POLR2C: variants seen among roughly 807,000 people sequenced by gnomAD.
POLR2C encodes the protein DNA-directed RNA polymerase II subunit RPB3.
Under a neutral mutation model 41.7 loss-of-function variants are expected in POLR2C, and 36 were observed. That is an observed-to-expected ratio of 0.86 (90% CI 0.66 to 1.14). The LOEUF is 1.14. Among genes scored for constraint, POLR2C ranks in the 50% most tolerant of loss-of-function variants. POLR2C has a pLI of 0.00. For missense variants in POLR2C, 260 were observed against 350.4 expected (o/e 0.74, Z 2.06); for synonymous variants, 133 against 137.8 (o/e 0.96, Z 0.25).
chr16:57,463,136 C>A, intron 2 of POLR2C, 58 bp downstream of exon 2: 2 of 1,341,036 alleles, frequency 1.5e-6, no homozygotes, highest in Admixed American at 1.7e-5. Flanking sequence ...GCTCTCCACC[C>A]ACACACTCTT....
chr16:57,463,281 C>G (rs2030625666), intron 2 of POLR2C: 1 of 624,592 alleles, frequency 1.6e-6, no homozygotes, highest in African/African-American at 1.8e-5. Flanking sequence ...CTTAGGTCCA[C>G]CCTTGTCCTG....
chr16:57,467,796 C>G (rs964257340), intron 4 of POLR2C, among the ~76,000 whole-genome samples: 2 of 152,094 alleles, frequency 1.3e-5, no homozygotes, highest in Non-Finnish European at 2.9e-5. Flanking sequence ...TATCAATATT[C>G]AGATTTTCCT....
intron 1 of POLR2C, 46 bp from the exon 2 acceptor site, chr16:57,462,983 G>A: frequency 1.3e-6 from 2 of 1,568,616 alleles, no homozygotes; most frequent in Non-Finnish European, 1.8e-6. Flanking sequence ...GGCCCAGCCT[G>A]TCGAGGCTGC....
Position 57,471,750 on chromosome 16 carries a change from T to TGGGGGTGGGGGG in POLR2C, c.*642_*643insGGGGGGTGGGGG, listed in dbSNP as rs2030853413. 2.3e-4 allele frequency: 2 copies of TGGGGGTGGGGGG among 8,598 alleles called. No homozygotes were observed. The highest frequency in any genetic ancestry group is 1.2e-3 in the Admixed American group (1 of 862). 0.5% of individuals were successfully genotyped at this position (8,598 alleles called of 1,614,324 possible). On this transcript the variant is annotated 3_prime_UTR_variant, in exon 9 of 9. Transcript: ENST00000219252. ...TCATTTAGTTTGGTGGGGGTGGGGG[T>TGGGGGTGGGGGG]GGGGGTGGGGGTGGAAGCAGCCGCA...
chr16:57,465,783 G>T (rs577275133), intron 2 of POLR2C, 170 bp from the exon 3 acceptor site: 3 of 617,392 alleles, frequency 4.9e-6, no homozygotes, highest in South Asian at 3.8e-5. Flanking sequence ...GGTGTGGTGT[G>T]TGTGGGTCTT....
rs1388105670 is a variant in POLR2C at position 57,469,253 on chromosome 16, C to T, written c.347C>T (p.Thr116Met). The T allele has an allele frequency of 1.9e-6, 3 of 1,614,096 alleles. No individual in the cohort carries two copies. The highest frequency in any genetic ancestry group is 1.7e-5 in the Admixed American group (1 of 60,018). Residue 116 changes from threonine (T) to methionine (M), a missense_variant, in exon 5 of 9, where the codon ACG (threonine) becomes ATG (methionine). Thr to Met is a moderately conservative substitution (Grantham distance 81). Transcript: ENST00000219252. The surrounding 1 kb of genome is among the most constrained non-coding windows in gnomAD (Gnocchi z 5.8). ...AATGAAGACCAGACGCGACATGTCACGTCTCGAGACCTCATCTCCAACAGC... is the reference window on the plus strand; with the variant it reads ...AATGAAGACCAGACGCGACATGTCATGTCTCGAGACCTCATCTCCAACAGC... ...RCNEDQTRHV[T>M]SRDLISNSPR... is the part of the protein sequence containing the mutation.
chr16:57,470,864 G>A (rs2030817523), intron 8 of POLR2C, 111 bp from the exon 9 acceptor site: 3 of 1,065,362 alleles, frequency 2.8e-6, no homozygotes, highest in South Asian at 2.9e-5. Context: ...CCAAGGTCAA[G>A]TTCCATGTGG....
intron 4 of POLR2C, among the ~76,000 whole-genome samples, chr16:57,467,426 G>A (rs180834864): frequency 2.6e-5 from 4 of 152,214 alleles, no homozygotes; most frequent in Admixed American, 2.6e-4. Context: ...GCAATTTGGC[G>A]ATATCTTACA....
At chr16:57,463,141 A>C in intron 2 of POLR2C, 63 bp downstream of exon 2, 1 of 1,271,582 alleles carries the variant, frequency 7.9e-7, no homozygotes, top group Non-Finnish European at 1.1e-6. Context: ...CCACCCACAC[A>C]CTCTTTGGGG....
chr16:57,465,029 A>T (rs2030669067), intron 2 of POLR2C, among the ~76,000 whole-genome samples: 1 of 152,146 alleles, frequency 6.6e-6, no homozygotes, highest in African/African-American at 2.4e-5. Flanking sequence ...GGAATGTCAC[A>T]TCTGTAGCAT....
intron 2 of POLR2C, 93 bp from the exon 3 acceptor site, chr16:57,465,860 T>C: frequency 2.4e-6 from 2 of 819,442 alleles, no homozygotes; most frequent in Non-Finnish European, 4.3e-6. Context: ...TGCAGTTTAG[T>C]GTCAGGTGAT....
chr16:57,465,271 G>A (rs2146599671), intron 2 of POLR2C, among the ~76,000 whole-genome samples: 1 of 152,280 alleles, frequency 6.6e-6, no homozygotes, highest in African/African-American at 2.4e-5. Context: ...CCTAGTGTCT[G>A]TGTCCCTCGT....
chr16:57,469,971 C>G lies in POLR2C; in HGVS notation c.450C>G (p.Ile150Met), dbSNP rs781607112. ...TGCCTCTCCCTGCAGACATCCTCAT[C>G]GTCAAGTTGAGAAAGGGCCAGGAGC... ...NDYVEQDDIL[I>M]VKLRKGQELR... Residue 150 changes from isoleucine to methionine, a missense_variant, in exon 7 of 9, where the codon ATC (isoleucine) becomes ATG (methionine). By Grantham distance (10) the Ile-to-Met change is conservative. Transcript: ENST00000219252. This position sits in a 1 kb window ranked among gnomAD's most constrained non-coding sequence, Gnocchi z 5.8. 6.2e-7 allele frequency: 1 copy of G among 1,613,508 alleles called. No homozygotes were observed. Among genetic ancestry groups the G allele is most frequent in the East Asian group, 2.2e-5 (1 of 44,880 alleles).
In POLR2C at chr16:57,469,591, C is replaced by A; in HGVS notation, c.388-119C>A. ...GTCCTGGGGGCATCTGTGCCACCAC[C>A]TCGTCAGGTGTTCGTTCCCTGGTTG... is the stretch of plus-strand genomic sequence containing the variant. On this transcript the variant is annotated intron_variant, in intron 5 of 8. Transcript: ENST00000219252. This position sits in a 1 kb window ranked among gnomAD's most constrained non-coding sequence, Gnocchi z 5.8. 1.1e-6 allele frequency: 1 copy of A among 901,562 alleles called. No individual in the cohort carries two copies. Among genetic ancestry groups the A allele is most frequent in the Non-Finnish European group, 1.8e-6 (1 of 546,902 alleles). 55.8% of individuals were successfully genotyped at this position (901,562 alleles called of 1,614,324 possible). A position where few individuals can be genotyped will look rare whatever the true frequency, so the allele number is the denominator to read the frequency against.
intron 4 of POLR2C, among the ~76,000 whole-genome samples, chr16:57,467,868 T>TGAA (rs2030747402): frequency 6.6e-6 from 1 of 152,218 alleles, no homozygotes; most frequent in Non-Finnish European, 1.5e-5. Context: ...CTTGATCCAG[T>TGAA]GAAGATTCAT....
intron 8 of POLR2C, 82 bp from the exon 9 acceptor site, chr16:57,470,893 G>T (rs564082657): frequency 1.4e-6 from 2 of 1,392,006 alleles, no homozygotes; most frequent in East Asian, 4.6e-5. Flanking sequence ...CCAAGACCCG[G>T]AAGGAGGAAG....
chr16:57,462,930 G>A (rs1243248550), intron 1 of POLR2C, 99 bp from the exon 2 acceptor site: 5 of 1,187,768 alleles, frequency 4.2e-6, no homozygotes, highest in Non-Finnish European at 5.9e-6. Context: ...TTCCAGAGCT[G>A]CCCCCCTGCA....
intron 2 of POLR2C, chr16:57,463,693 C>T (rs1347368611): frequency 6.6e-6 from 3 of 451,530 alleles, no homozygotes; most frequent in Non-Finnish European, 1.3e-5. Flanking sequence ...CCTGTAATTC[C>T]AGCACTTTGG....
intron 4 of POLR2C, among the ~76,000 whole-genome samples, chr16:57,467,520 G>C (rs1195517095): frequency 2.6e-5 from 4 of 151,264 alleles, no homozygotes; most frequent in African/African-American, 4.8e-5. Context: ...GGCATGGTCT[G>C]TCTCTCTCTC....
Sources: gnomAD v4.1 joint callset for allele counts (sites outside exome capture counted in the v4.1 genomes callset) on GRCh38, gnomAD v4.1.1 for gene constraint, Gnocchi (gnomAD v3.1) non-coding constraint, MANE v1.5 for transcripts, NCBI Gene and HGNC (gene_info 2026-07-23, HGNC 2026-07-21) for gene names.